Variants in CENPT observed in about 807,000 individuals in gnomAD.
The protein encoded by CENPT is centromere protein T.
A neutral mutation model predicts 59.7 loss-of-function variants in CENPT; 42 were observed. That is an observed-to-expected ratio of 0.70 (90% confidence interval 0.55 to 0.91). The LOEUF (loss-of-function observed/expected upper bound fraction) is 0.91, where lower values mean the gene tolerates loss of function less well. Ranked by LOEUF, CENPT falls within the 40% of genes least tolerant of loss-of-function variation. The pLI is 0.00. For synonymous variants in CENPT, 295 were observed against 289.6 expected, an observed-to-expected ratio of 1.02 and a Z score of -0.19; for missense variants, 716 against 713.4, an observed-to-expected ratio of 1.00 and a Z score of -0.04.
chr16:67,840,352 T>C (rs1254986602), intron 1 of CENPT, among the ~76,000 whole-genome samples: 1 of 152,004 alleles, frequency 6.6e-6, no homozygotes, highest in Non-Finnish European at 1.5e-5. Context: ...ATAATATATA[T>C]TAGGTTTCTA....
rs770430563 is a variant in CENPT, at chr16:67,833,765, C to T, written c.95G>A (p.Arg32Gln). The T allele has an allele frequency of 9.6e-6, 15 of 1,555,354 alleles. No homozygotes were observed. Among genetic ancestry groups the T allele is most frequent in the African/African-American group, 1.4e-5 (1 of 71,930 alleles). The change falls in exon 4 of 16, where the codon CGG (arginine) becomes CAG (glutamine). Residue 32 changes from arginine to glutamine, a missense_variant. Physicochemically the swap from Arg to Gln is conservative, Grantham distance 43 (BLOSUM62 1). Transcript: ENST00000562787. ...CCTCACATACCCAGCCCGAGCACTC[C>T]GGGGTCGCCGCGGGGTGCGCGGGTC... ...TADPRTPRRP[R>Q]SARAGARRAL...
Position 67,832,100 on chromosome 16 carries a change from A to T in CENPT, c.298T>A (p.Ser100Thr), listed in dbSNP as rs773967973. ...ACCGACTCAGGCATCAGGATGGAAG[A>T]TTCTGGGGCTGCAGAAACACCAAGG... ...LKNILLTAPESSILMPESVVK... is the reference protein window; with the variant it reads ...LKNILLTAPETSILMPESVVK... Residue 100 changes from serine (S) to threonine (T), a missense_variant, in exon 7 of 16, where the codon TCT becomes ACT. Transcript: ENST00000562787. 1.2e-6 allele frequency: 2 copies of T among 1,611,776 alleles called. No homozygotes were observed. The highest frequency in any genetic ancestry group is 3.3e-5 in the Admixed American group (2 of 59,896).
At chr16:67,846,725 T>C (rs1389870089) in intron 1 of CENPT, 1 of 152,338 alleles carries the variant, frequency 6.6e-6, no homozygotes, top group Non-Finnish European at 1.5e-5. Context: ...TAGACCACAA[T>C]TCTCAGGGGC....
At position 67,833,831 on chromosome 16, in the gene CENPT, G is replaced by C; in HGVS notation, c.29C>G (p.Ser10Cys). The change falls in exon 4 of 16, where the codon TCC becomes TGC. Residue 10 changes from serine (S) to cysteine (C), a missense_variant. Coordinates refer to ENST00000562787, the MANE Select transcript of CENPT (RefSeq NM_025082.4). Reference sequence around the variant, plus strand: ...GCGTCGCAGCAGCGTGCGCGGCGTGGAGTCGCTGTCAGGGTTGTGGTCAGC... The same window carrying C: ...GCGTCGCAGCAGCGTGCGCGGCGTGCAGTCGCTGTCAGGGTTGTGGTCAGC... The part of the protein sequence containing the change: MADHNPDSD[S>C]TPRTLLRRVL... 1 of 1,573,004 alleles carries C rather than the reference G, an allele frequency of 6.4e-7. No individual in the cohort carries two copies. The highest frequency in any genetic ancestry group is 8.6e-7 in the Non-Finnish European group (1 of 1,162,064).
Position 67,833,860 on chromosome 16 carries a change from C to A in CENPT, c.-1G>T, listed in dbSNP as rs770156866. ...CGCTGTCAGGGTTGTGGTCAGCCAT[C>A]GTCTCGGCCCCGGGCCCTCCTAACC... On this transcript the variant is annotated 5_prime_UTR_variant, in exon 4 of 16. Coordinates refer to ENST00000562787, the MANE Select transcript of CENPT (RefSeq NM_025082.4). 5.2e-6 allele frequency: 8 copies of A among 1,530,752 alleles called. No individual in the cohort carries two copies. The highest frequency in any genetic ancestry group is 7.0e-6 in the Non-Finnish European group (8 of 1,141,894). 94.8% of individuals were successfully genotyped at this position (1,530,752 alleles called of 1,614,324 possible). A position where few individuals can be genotyped will look rare whatever the true frequency, so the allele number is the denominator to read the frequency against.
At chr16:67,830,775 C>T (rs1337406761) in intron 10 of CENPT, 4 of 566,692 alleles carry the variant, frequency 7.1e-6, no homozygotes, top group Non-Finnish European at 1.2e-5. Flanking sequence ...CTCTGCCTGG[C>T]AGTCCCAGGC....
chr16:67,836,058 G>GTTTTGT (rs2057733360), intron 1 of CENPT, among the ~76,000 whole-genome samples: 1 of 148,290 alleles, frequency 6.7e-6, no homozygotes, highest in Non-Finnish European at 1.5e-5. Context: ...TTTTGTTTTT[G>GTTTTGT]TTTTTGTTTT....
intron 3 of CENPT, among the ~76,000 whole-genome samples, chr16:67,834,899 T>G (rs959294522): frequency 1.3e-5 from 2 of 152,200 alleles, no homozygotes; most frequent in Non-Finnish European, 2.9e-5. Flanking sequence ...TGGAGTGCAA[T>G]GGCACAATCT....
chr16:67,846,116 GT>G (rs2057796388), intron 1 of CENPT, among the ~76,000 whole-genome samples: 1 of 152,222 alleles, frequency 6.6e-6, no homozygotes, highest in Non-Finnish European at 1.5e-5. Context: ...ACAAATGGGC[GT>G]TGAAAGGAAA....
rs763483728 is a variant in CENPT, at chr16:67,831,293, C to G, written c.626G>C (p.Arg209Pro). ...PQSVQRPGLA[R>P]RPPARRAVDV... ...TACAGCTCGGCGGGCTGGAGGTCTGCGGGCCAAGCCAGGCCTCTGCACTGA... is the reference window on the plus strand; with the variant it reads ...TACAGCTCGGCGGGCTGGAGGTCTGGGGGCCAAGCCAGGCCTCTGCACTGA... The change falls in exon 10 of 16, where the codon CGC becomes CCC. Residue 209 changes from arginine to proline, a missense_variant. By Grantham distance (103) the Arg-to-Pro change is moderately radical. Transcript: ENST00000562787. 10 of 1,614,038 alleles carry G rather than the reference C, an allele frequency of 6.2e-6. No individual in the cohort carries two copies. Among genetic ancestry groups the G allele is most frequent in the Admixed American group, 3.3e-5 (2 of 60,008 alleles).
Position 67,831,287 on chromosome 16 carries a change from G to A in CENPT, c.632C>T (p.Pro211Leu). ...CACGTCTACAGCTCGGCGGGCTGGA[G>A]GTCTGCGGGCCAAGCCAGGCCTCTG... is the stretch of plus-strand genomic sequence containing the variant. Reference protein sequence around the residue: ...SVQRPGLARRPPARRAVDVGA... With the variant: ...SVQRPGLARRLPARRAVDVGA... The change falls in exon 10 of 16, where the codon CCT becomes CTT. Residue 211 changes from proline (P) to leucine (L), a missense_variant. Physicochemically the swap from Pro to Leu is moderately conservative, Grantham distance 98. Coordinates refer to ENST00000562787, the MANE Select transcript of CENPT (RefSeq NM_025082.4). The A allele has an allele frequency of 1.2e-6, 2 of 1,614,206 alleles. No homozygotes were observed. Among genetic ancestry groups the A allele is most frequent in the African/African-American group, 1.3e-5 (1 of 75,068 alleles).
intron 8 of CENPT, 43 bp from the exon 9 acceptor site, chr16:67,831,655 G>C (rs1183223024): frequency 6.2e-7 from 1 of 1,612,964 alleles, no homozygotes. Context: ...GAAAACCATG[G>C]TAAGTGATCC....
chr16:67,836,413 T>C (rs1486350051), intron 1 of CENPT, among the ~76,000 whole-genome samples: 1 of 151,380 alleles, frequency 6.6e-6, no homozygotes, highest in Admixed American at 6.6e-5. Context: ...CTTGAACTAT[T>C]GAATAATATG....
Position 67,831,908 on chromosome 16 carries a change from A to T in CENPT, c.387-18T>A. 6.2e-7 allele frequency: 1 copy of T among 1,608,964 alleles called. No homozygotes were observed. Among genetic ancestry groups the T allele is most frequent in the African/African-American group, 1.3e-5 (1 of 74,710 alleles). On this transcript the variant is annotated intron_variant, in intron 7 of 15. Coordinates refer to ENST00000562787, the MANE Select transcript of CENPT (RefSeq NM_025082.4). The stretch of plus-strand genomic sequence containing the variant: ...GCTCCAGGCTATAAGAATGGAGCTT[A>T]TCTCAGACAGGCCAGGAAGTCCAAT...
intron 1 of CENPT, among the ~76,000 whole-genome samples, chr16:67,837,244 G>T (rs2057739565): frequency 6.6e-6 from 1 of 151,778 alleles, no homozygotes; most frequent in Non-Finnish European, 1.5e-5. Context: ...GGGATCACAG[G>T]TCACTGAAGA....
chr16:67,833,229 G>A (rs2057710362), intron 4 of CENPT, among the ~76,000 whole-genome samples: 1 of 152,194 alleles, frequency 6.6e-6, no homozygotes, highest in Admixed American at 6.5e-5. Flanking sequence ...CCCAACTTCT[G>A]CCCAGGCTGT....
At chr16:67,832,983 C>T (rs939747844) in intron 4 of CENPT, among the ~76,000 whole-genome samples, 34 of 152,218 alleles carry the variant, frequency 2.2e-4, no homozygotes, top group Non-Finnish European at 4.0e-4. Flanking sequence ...TCCAGTCCCT[C>T]TCAGATTCCA....
Position 67,834,106 on chromosome 16 carries a change from A to T in CENPT, c.-241-6T>A, listed in dbSNP as rs1234620583. 1.4e-5 allele frequency: 6 copies of T among 426,888 alleles called. No homozygotes were observed. The highest frequency in any genetic ancestry group is 2.1e-5 in the Non-Finnish European group (5 of 238,782). The allele number at this position is 426,888 out of a possible 1,614,324, so 26.4% of individuals were successfully genotyped here. A position where few individuals can be genotyped will look rare whatever the true frequency, so the allele number is the denominator to read the frequency against. ...CCAAGTCTTGGCTTCTTCATCTGTA[A>T]ATTGAGGTTGATACCCACCTGATAA... On this transcript the variant is annotated splice_polypyrimidine_tract_variant and splice_region_variant and intron_variant, in intron 3 of 15. Coordinates refer to ENST00000562787, the MANE Select transcript of CENPT (RefSeq NM_025082.4).
chr16:67,843,778 C>A lies in CENPT; in HGVS notation c.-492+3623G>T, dbSNP rs1287146345. ...TCTGGTTAAGCAGAGGCTTCAGAACCACTGAACTTGAAACTTACCCTCTAG... is the reference window on the plus strand; with the variant it reads ...TCTGGTTAAGCAGAGGCTTCAGAACAACTGAACTTGAAACTTACCCTCTAG... On this transcript the variant is annotated intron_variant, in intron 1 of 15. Coordinates refer to ENST00000562787, the MANE Select transcript of CENPT (RefSeq NM_025082.4). The surrounding 1 kb of genome is among the most constrained non-coding windows in gnomAD (Gnocchi z 5.7). 2 of 420,338 alleles carry A rather than the reference C, an allele frequency of 4.8e-6. No individual in the cohort carries two copies. Among genetic ancestry groups the A allele is most frequent in the East Asian group, 8.5e-5 (2 of 23,490 alleles). 26.0% of individuals were successfully genotyped at this position (420,338 alleles called of 1,614,324 possible).
Sources: gnomAD v4.1 joint callset for allele counts (sites outside exome capture counted in the v4.1 genomes callset) on GRCh38, gnomAD v4.1.1 for gene constraint, Gnocchi (gnomAD v3.1) non-coding constraint, MANE v1.5 for transcripts, NCBI Gene and HGNC (gene_info 2026-07-23, HGNC 2026-07-21) for gene names.